The following CPS1 variants were observed in gnomAD, a reference collection of about 807,000 sequenced individuals.
The protein encoded by CPS1 is carbamoyl-phosphate synthase [ammonia], mitochondrial.
CPS1 carries 109 observed loss-of-function variants against 174.6 expected under a neutral mutation model. The ratio of observed to expected loss-of-function variants is 0.62; its 90% confidence interval spans 0.53 to 0.73. CPS1 has a LOEUF of 0.73. CPS1 is among the 30% of genes least tolerant of loss of function. The pLI is 0.00. For missense variants in CPS1, 1,689 were observed against 1,821.9 expected, an observed-to-expected ratio of 0.93 and a Z score of 1.33; for synonymous variants, 637 against 632.0, an observed-to-expected ratio of 1.01 and a Z score of -0.12.
chr2:210,532,952 A>G (rs1296294128), intron 1 of CPS1, among the ~76,000 whole-genome samples: 1 of 152,200 alleles, frequency 6.6e-6, no homozygotes, highest in African/African-American at 2.4e-5. Flanking sequence ...TGATCCTGCA[A>G]GAACTAATCT....
intron 1 of CPS1, among the ~76,000 whole-genome samples, chr2:210,516,685 C>A (rs1396714302): frequency 6.6e-6 from 1 of 151,924 alleles, no homozygotes; most frequent in African/African-American, 2.4e-5. Flanking sequence ...CATACCCCCA[C>A]CTCATCTTTT....
intron 7 of CPS1, among the ~76,000 whole-genome samples, chr2:210,589,468 A>G (rs1489936053): frequency 6.6e-6 from 1 of 152,054 alleles, no homozygotes; most frequent in Admixed American, 6.6e-5. Context: ...GCAAGACTGA[A>G]AAAGGTCTGA....
At chr2:210,498,447 G>C (rs1355705570) in intron 1 of CPS1, among the ~76,000 whole-genome samples, 1 of 151,890 alleles carries the variant, frequency 6.6e-6, no homozygotes, top group Non-Finnish European at 1.5e-5. Flanking sequence ...TTCTTGATTT[G>C]GTTCTCAGCT....
intron 21 of CPS1, among the ~76,000 whole-genome samples, chr2:210,636,184 C>A (rs891621038): frequency 6.6e-6 from 1 of 152,076 alleles, no homozygotes; most frequent in Admixed American, 6.6e-5. Context: ...ATAGCTGGCC[C>A]ACAGGTATCT....
intron 1 of CPS1, among the ~76,000 whole-genome samples, chr2:210,569,019 C>T (rs913242227): frequency 6.6e-6 from 1 of 151,802 alleles, no homozygotes; most frequent in Non-Finnish European, 1.5e-5. Flanking sequence ...CATTTAGAAA[C>T]ATTCTGCTAA....
chr2:210,575,452 C>T (rs1697662822), intron 2 of CPS1, among the ~76,000 whole-genome samples: 2 of 150,504 alleles, frequency 1.3e-5, no homozygotes, highest in Admixed American at 6.6e-5. Flanking sequence ...ATGGGAATAA[C>T]GTTTCTTCTT....
At chr2:210,606,543 G>A (rs1024295761) in intron 17 of CPS1, among the ~76,000 whole-genome samples, 188 bp from the exon 18 acceptor site, 1 of 151,766 alleles carries the variant, frequency 6.6e-6, no homozygotes, top group Non-Finnish European at 1.5e-5. Flanking sequence ...GGTTAGAGAG[G>A]TTTCTAAAAG....
chr2:210,665,702 C>T (rs1701073910), intron 33 of CPS1, among the ~76,000 whole-genome samples: 1 of 151,220 alleles, frequency 6.6e-6, no homozygotes, highest in Admixed American at 6.6e-5. Context: ...ATATGTGCCA[C>T]ATTTTCTTAA....
Position 210,677,141 on chromosome 2 carries a change from A to T in CPS1, c.4404+5A>T, listed in dbSNP as rs375785288. ...CCTCTCCTCACTAATTTTCAGGTAT[A>T]GTCTTTTCCTTGGATATAGACTGGA... On this transcript the variant is annotated splice_donor_5th_base_variant and intron_variant, in intron 37 of 37. Transcript: ENST00000233072. 26 of 1,613,630 alleles carry T rather than the reference A, an allele frequency of 1.6e-5. No individual in the cohort carries two copies. The highest frequency in any genetic ancestry group is 2.2e-5 in the Non-Finnish European group (26 of 1,179,652).
chr2:210,655,488 T>A (rs1004217260), intron 29 of CPS1, among the ~76,000 whole-genome samples: 4 of 151,990 alleles, frequency 2.6e-5, no homozygotes, highest in Admixed American at 2.6e-4. Flanking sequence ...GAACTGCAGG[T>A]TGCTGAGCTC....
intron 1 of CPS1, among the ~76,000 whole-genome samples, chr2:210,529,728 T>G (rs1433712211): frequency 6.6e-6 from 1 of 151,976 alleles, no homozygotes; most frequent in Admixed American, 6.6e-5. Flanking sequence ...AGGTTAGACA[T>G]CCTGATAATA....
chr2:210,569,099 C>T (rs1697396090), intron 1 of CPS1, among the ~76,000 whole-genome samples: 1 of 152,054 alleles, frequency 6.6e-6, no homozygotes, highest in Admixed American at 6.6e-5. Flanking sequence ...CTTGTCTACT[C>T]TGTGCTAGCC....
chr2:210,483,794 A>G (rs945155347), intron 1 of CPS1, among the ~76,000 whole-genome samples: 1 of 152,206 alleles, frequency 6.6e-6, no homozygotes, highest in African/African-American at 2.4e-5. Flanking sequence ...AAATCACATT[A>G]TACCTGTTTC....
chr2:210,511,772 A>G (rs1274215231), intron 1 of CPS1, among the ~76,000 whole-genome samples: 2 of 152,108 alleles, frequency 1.3e-5, no homozygotes, highest in Non-Finnish European at 2.9e-5. Context: ...CAATTCCTGA[A>G]TGAGGGAGGA....
chr2:210,594,237 A>G (rs745672966), intron 11 of CPS1, among the ~76,000 whole-genome samples: 24 of 151,994 alleles, frequency 1.6e-4, no homozygotes, highest in Non-Finnish European at 3.1e-4. Context: ...TTTACTAAAA[A>G]CTTGGCATTC....
chr2:210,673,595 G>C (rs1701394498), intron 34 of CPS1: 1 of 152,162 alleles, frequency 6.6e-6, no homozygotes, highest in South Asian at 2.1e-4. Context: ...TGTAATCGTG[G>C]GTAGAGGAAC....
chr2:210,594,614 T>A lies in CPS1; in HGVS notation c.1263+8T>A, dbSNP rs772693691. On this transcript the variant is annotated splice_region_variant and intron_variant, in intron 12 of 37. Transcript: ENST00000233072. ...GTTGCATCTCGGGTTGAGGTCAGTA[T>A]GTGGGCTTATTTTTGGTTTATGAAT... is the stretch of plus-strand genomic sequence containing the variant. 94 of 1,599,288 alleles carry A rather than the reference T, an allele frequency of 5.9e-5. 1 individual carries two copies. The highest frequency in any genetic ancestry group is 7.7e-5 in the Non-Finnish European group (90 of 1,167,606).
chr2:210,601,695 T>A (rs1698731695), intron 15 of CPS1, among the ~76,000 whole-genome samples: 1 of 151,702 alleles, frequency 6.6e-6, no homozygotes, highest in Admixed American at 6.6e-5. Context: ...TTCTGTAAGT[T>A]AAAAAAAAGA....
At chr2:210,574,875 GT>G (rs10715074) in intron 2 of CPS1, among the ~76,000 whole-genome samples, 93,034 of 151,576 alleles carry the variant, frequency 0.61, 29,232 homozygotes, top group African/African-American at 0.75. Flanking sequence ...ATTAATTAAA[GT>G]TTTTTTTTGA....
Sources: allele counts gnomAD v4.1 joint callset (sites outside exome capture counted in the v4.1 genomes callset), GRCh38; gene constraint gnomAD v4.1.1; transcripts MANE v1.5; gene names NCBI Gene and HGNC (gene_info 2026-07-23, HGNC 2026-07-21).